Variants in STAT5A observed in about 807,000 individuals in gnomAD.
The protein encoded by STAT5A is epididymis secretory sperm binding protein.
Under a neutral mutation model 100.2 loss-of-function variants are expected in STAT5A, and 26 were observed. That is an observed-to-expected ratio of 0.26 (90% CI 0.19 to 0.36). The LOEUF (loss-of-function observed/expected upper bound fraction) is 0.36, where lower values mean the gene tolerates loss of function less well. Ranked by LOEUF, STAT5A falls within the 10% of genes least tolerant of loss-of-function variation. The pLI is 1.00. For missense variants in STAT5A, 634 were observed against 1,027.5 expected (o/e 0.62, Z 5.24); for synonymous variants, 330 against 424.3 (o/e 0.78, Z 2.73).
In STAT5A at chr17:42,289,451, G is replaced by A; in HGVS notation, c.40G>A (p.Ala14Thr). 1.9e-6 allele frequency: 3 copies of A among 1,612,916 alleles called. No individual in the cohort carries two copies. Among genetic ancestry groups the A allele is most frequent in the Non-Finnish European group, 2.5e-6 (3 of 1,179,854 alleles). Residue 14 changes from alanine to threonine, a missense_variant, in exon 2 of 19, where the codon GCG becomes ACG. Around this residue, in one of 5 missense-constraint regions of STAT5A, gnomAD observed 207 missense variants for 256.6 expected, o/e 0.81. Coordinates refer to ENST00000590949, the MANE Select transcript of STAT5A (RefSeq NM_001288718.2). Reference sequence around the variant, plus strand: ...CCAGGCCCAGCAGCTGCAGGGAGACGCGCTGCGCCAGATGCAGGTGCTGTA... The same window carrying A: ...CCAGGCCCAGCAGCTGCAGGGAGACACGCTGCGCCAGATGCAGGTGCTGTA... Reference protein sequence around the residue: ...WIQAQQLQGDALRQMQVLYGQ... With the variant: ...WIQAQQLQGDTLRQMQVLYGQ...
intron 5 of STAT5A, 148 bp from the exon 6 acceptor site, chr17:42,299,603 C>G: frequency 1.5e-6 from 2 of 1,344,938 alleles, no homozygotes; most frequent in Non-Finnish European, 2.0e-6. Context: ...TTCATCTTGG[C>G]CCCCCTGGCT....
Position 42,304,666 on chromosome 17 carries a change from C to T in STAT5A, c.1380+14C>T, listed in dbSNP as rs913600640. ...TTCCAGGTGAAGGTGAGACCCCCAGCCCTCCTGCCCCCACTGCTCCAGGTC... is the reference window on the plus strand; with the variant it reads ...TTCCAGGTGAAGGTGAGACCCCCAGTCCTCCTGCCCCCACTGCTCCAGGTC... On this transcript the variant is annotated intron_variant, in intron 11 of 18. Transcript: ENST00000590949. This position sits in a 1 kb window ranked among gnomAD's most constrained non-coding sequence, Gnocchi z 4.8. 1.2e-6 allele frequency: 2 copies of T among 1,613,522 alleles called. No homozygotes were observed. The highest frequency in any genetic ancestry group is 1.7e-5 in the Admixed American group (1 of 59,978).
intron 17 of STAT5A, 64 bp from the exon 18 acceptor site, chr17:42,309,307 TCGGTCC>T: frequency 6.4e-7 from 1 of 1,572,806 alleles, no homozygotes; most frequent in Admixed American, 1.7e-5. Flanking sequence ...AACATGCCCC[TCGGTCC>T]CCTCCCCAAG....
chr17:42,310,354 T>C (rs918642267), intron 18 of STAT5A, among the ~76,000 whole-genome samples, 153 bp from the exon 19 acceptor site: 2 of 152,242 alleles, frequency 1.3e-5, no homozygotes, highest in South Asian at 2.1e-4. Context: ...GGCTGACTGC[T>C]ACCCAGCTTG....
At chr17:42,300,967 C>A in intron 8 of STAT5A, 97 bp downstream of exon 8, 1 of 1,583,026 alleles carries the variant, frequency 6.3e-7, no homozygotes, top group Non-Finnish European at 8.6e-7. Context: ...GATCCACTTC[C>A]TGCCTCTCAT....
intron 2 of STAT5A, 34 bp downstream of exon 2, chr17:42,289,573 G>T (rs1373613057): frequency 6.8e-6 from 11 of 1,606,238 alleles, no homozygotes; most frequent in Admixed American, 1.7e-5. Context: ...TCCTCAGAGG[G>T]TCCCTACCAT....
intron 3 of STAT5A, 124 bp downstream of exon 3, chr17:42,290,146 T>C: frequency 2.3e-6 from 3 of 1,292,080 alleles, no homozygotes; most frequent in African/African-American, 1.5e-5. Flanking sequence ...ATTGGGAACT[T>C]TTCTTCGATT....
chr17:42,290,158 C>T, intron 3 of STAT5A, 136 bp downstream of exon 3: 4 of 1,213,832 alleles, frequency 3.3e-6, no homozygotes, highest in Non-Finnish European at 3.3e-6. Flanking sequence ...TCTTCGATTT[C>T]CCCCACCCCC....
chr17:42,310,997 C>A lies in STAT5A; in HGVS notation c.*328C>A. On this transcript the variant is annotated 3_prime_UTR_variant, in exon 19 of 19. Transcript: ENST00000590949. ...CCTGGGCCCCTCATCTGCTCAGCAG[C>A]TATTTGAATGAGATGATTCAGAAGG... The A allele has an allele frequency of 3.1e-6, 1 of 324,184 alleles. No homozygotes were observed. 20.1% of individuals were successfully genotyped at this position (324,184 alleles called of 1,614,324 possible).
rs549283356 is a variant in STAT5A, at chr17:42,311,710, G to A, written c.*1041G>A. On this transcript the variant is annotated 3_prime_UTR_variant, in exon 19 of 19. Transcript: ENST00000590949. ...AGGTGGGGCCTGGAGCAGGCCTTGC[G>A]CTGTTGCGTAACTGGCTGTGTTCTG... 2.7e-4 allele frequency: 41 copies of A among 152,770 alleles called. No homozygotes were observed. The highest frequency in any genetic ancestry group is 9.6e-4 in the African/African-American group (40 of 41,576). The allele number at this position is 152,770 out of a possible 1,614,324, so 9.5% of individuals were successfully genotyped here.
In STAT5A at chr17:42,308,900, T is replaced by G; in HGVS notation, c.2063-147T>G. ...CCCTCAGGCAGGATTCATCAGCTGG[T>G]GTTTATTGGGGGTCCTTGGGAAATC... On this transcript the variant is annotated intron_variant, in intron 16 of 18. Coordinates refer to ENST00000590949, the MANE Select transcript of STAT5A (RefSeq NM_001288718.2). This position sits in a 1 kb window ranked among gnomAD's most constrained non-coding sequence, Gnocchi z 4.6. 1.1e-6 allele frequency: 1 copy of G among 934,482 alleles called. No homozygotes were observed. Among genetic ancestry groups the G allele is most frequent in the Non-Finnish European group, 1.7e-6 (1 of 593,056 alleles). 57.9% of individuals were successfully genotyped at this position (934,482 alleles called of 1,614,324 possible).
intron 17 of STAT5A, 23 bp from the exon 18 acceptor site, chr17:42,309,354 G>C (rs1308200785): frequency 6.2e-7 from 1 of 1,611,622 alleles, no homozygotes; most frequent in East Asian, 2.2e-5. Flanking sequence ...GGTGGCTGAA[G>C]CTCTGTTCTC....
chr17:42,302,574 G>A (rs1253917369), intron 9 of STAT5A, among the ~76,000 whole-genome samples: 2 of 152,188 alleles, frequency 1.3e-5, no homozygotes, highest in Non-Finnish European at 2.9e-5. Context: ...GCGTATGCAG[G>A]GGATGAATAA....
intron 4 of STAT5A, among the ~76,000 whole-genome samples, chr17:42,294,551 T>C (rs1472039914): frequency 6.6e-6 from 1 of 152,212 alleles, no homozygotes; most frequent in African/African-American, 2.4e-5. Context: ...AACACACTTT[T>C]AGATAGGACT....
chr17:42,309,488 G>A lies in STAT5A; in HGVS notation c.2222+4G>A. Reference sequence around the variant, plus strand: ...CCTATAACATGTACCCACAGAAGTAGGTGGTGTTCTCATGGGGTCCGCAGG... The same window carrying A: ...CCTATAACATGTACCCACAGAAGTAAGTGGTGTTCTCATGGGGTCCGCAGG... On this transcript the variant is annotated splice_donor_region_variant and intron_variant, in intron 18 of 18. Transcript: ENST00000590949. The A allele has an allele frequency of 6.2e-7, 1 of 1,613,746 alleles. No homozygotes were observed. The highest frequency in any genetic ancestry group is 1.3e-5 in the African/African-American group (1 of 75,052).
rs1318588874 is a variant in STAT5A at position 42,309,444 on chromosome 17, G to A, written c.2182G>A (p.Ala728Thr). 1.2e-6 allele frequency: 2 copies of A among 1,613,980 alleles called. No individual in the cohort carries two copies. Among genetic ancestry groups the A allele is most frequent in the Non-Finnish European group, 1.7e-6 (2 of 1,179,992 alleles). Residue 728 changes from alanine (A) to threonine (T), a missense_variant, in exon 18 of 19, where the codon GCT becomes ACT. Ala to Thr is a moderately conservative substitution (Grantham distance 58, BLOSUM62 0). Coordinates refer to ENST00000590949, the MANE Select transcript of STAT5A (RefSeq NM_001288718.2). Reference sequence around the variant, plus strand: ...GTACATGGACCAGGCCCCCTCCCCAGCTGTGTGCCCCCAGGCTCCCTATAA... The same window carrying A: ...GTACATGGACCAGGCCCCCTCCCCAACTGTGTGCCCCCAGGCTCCCTATAA... The part of the protein sequence containing the change: ...ATYMDQAPSP[A>T]VCPQAPYNMY...
chr17:42,299,707 G>C, intron 5 of STAT5A, 44 bp from the exon 6 acceptor site: 1 of 1,613,852 alleles, frequency 6.2e-7, no homozygotes, highest in Non-Finnish European at 8.5e-7. Flanking sequence ...CCTCCTGTTG[G>C]ACACTAGGAG....
chr17:42,291,984 C>G lies in STAT5A; in HGVS notation c.298C>G (p.Arg100Gly). ...TGGATTCTTTCAGAAAACATATGAC[C>G]GCTGCCCCCTGGAGCTGGTCCGCTG... Reference protein sequence around the residue: ...YATQLQKTYDRCPLELVRCIR... With the variant: ...YATQLQKTYDGCPLELVRCIR... The change falls in exon 4 of 19, where the codon CGC (arginine) becomes GGC (glycine). Residue 100 changes from arginine to glycine, a missense_variant. This residue lies in a region of STAT5A where 207 missense variants were observed against 256.6 expected (regional missense o/e 0.81). Transcript: ENST00000590949. 3 of 1,613,828 alleles carry G rather than the reference C, an allele frequency of 1.9e-6. No homozygotes were observed. Among genetic ancestry groups the G allele is most frequent in the Non-Finnish European group, 2.5e-6 (3 of 1,179,856 alleles).
Position 42,296,795 on chromosome 17 carries a change from G to A in STAT5A, c.550+1002G>A, listed in dbSNP as rs546764864. Among the ~76,000 whole-genome samples the A allele has an allele frequency of 5.9e-5, 9 of 152,116 alleles. No homozygotes were observed. The East Asian group carries it at 1.2e-3, about 20-fold the overall frequency. On this transcript the variant is annotated intron_variant, in intron 5 of 18. Coordinates refer to ENST00000590949, the MANE Select transcript of STAT5A (RefSeq NM_001288718.2). ...TGGGACTACAGGTGCAGGCCACCAC[G>A]CCCAGCTGATTTTTTTAGAATTCTA... is the stretch of plus-strand genomic sequence containing the variant.
Sources: allele counts gnomAD v4.1 joint callset (sites outside exome capture counted in the v4.1 genomes callset), GRCh38; gene constraint gnomAD v4.1.1; regional missense constraint gnomAD v4.1.1; non-coding constraint Gnocchi (gnomAD v3.1); transcripts MANE v1.5; gene names NCBI Gene and HGNC (gene_info 2026-07-23, HGNC 2026-07-21).